Variants in ACSM2B observed in about 807,000 individuals in gnomAD.
The protein encoded by ACSM2B is acyl-coenzyme A synthetase ACSM2B, mitochondrial.
Under a neutral mutation model 78.6 loss-of-function variants are expected in ACSM2B, and 58 were observed. That is an observed-to-expected ratio of 0.74 (90% CI 0.60 to 0.92). ACSM2B has a LOEUF of 0.92. Among genes scored for constraint, ACSM2B ranks in the 40% least tolerant of loss-of-function variants. The probability of loss-of-function intolerance (pLI) is 0.00; values close to 1 mark genes in which losing one functional copy is unlikely to be tolerated. For synonymous variants in ACSM2B, 257 were observed against 256.8 expected, an observed-to-expected ratio of 1.00 and a Z score of -0.01; for missense variants, 688 against 711.2, an observed-to-expected ratio of 0.97 and a Z score of 0.37.
At chr16:20,575,229 T>A (rs935198172) in intron 1 of ACSM2B, among the ~76,000 whole-genome samples, 3 of 151,746 alleles carry the variant, frequency 2.0e-5, no homozygotes, top group African/African-American at 7.3e-5. Context: ...CCAAAATCTG[T>A]ATTAGTCAGG....
Position 20,566,688 on chromosome 16 carries a change from A to ATTTATAGATAACATAT in ACSM2B, c.-8-1836_-8-1835insATATGTTATCTATAAA, listed in dbSNP as rs2015872835. 4.4e-4 allele frequency among the ~76,000 whole-genome samples: 2 copies of ATTTATAGATAACATAT among 4,500 alleles called. 1 individual carries two copies. The highest frequency in any genetic ancestry group is 1.2e-3 in the African/African-American group (2 of 1,728). The allele number at this position is 4,500 out of a possible 152,430, so 3.0% of individuals were successfully genotyped here. On this transcript the variant is annotated intron_variant, in intron 1 of 13. Transcript: ENST00000329697. The stretch of plus-strand genomic sequence containing the variant: ...TATATAGTATATACATATAGTATAT[A>ATTTATAGATAACATAT]CTATATATAGTATATATATAGTATA...
At chr16:20,539,041 C>CGGTGA (rs2014920196) in intron 13 of ACSM2B, among the ~76,000 whole-genome samples, 3 of 152,030 alleles carry the variant, frequency 2.0e-5, no homozygotes, top group Admixed American at 6.6e-5. Context: ...CCACCTGTGA[C>CGGTGA]CGTAAAGACC....
intron 6 of ACSM2B, among the ~76,000 whole-genome samples, chr16:20,550,450 A>ATTT (rs1233432631): frequency 6.6e-6 from 1 of 152,050 alleles, no homozygotes; most frequent in African/African-American, 2.4e-5. Context: ...CCTCCAACCT[A>ATTT]TATTTTCCTA....
At chr16:20,557,505 C>G (rs1213585425) in intron 3 of ACSM2B, among the ~76,000 whole-genome samples, 1 of 152,184 alleles carries the variant, frequency 6.6e-6, no homozygotes, top group Non-Finnish European at 1.5e-5. Flanking sequence ...AGATTTCCAA[C>G]TCCACTATTG....
At chr16:20,550,698 G>T (rs2015287576) in intron 6 of ACSM2B, among the ~76,000 whole-genome samples, 2 of 152,036 alleles carry the variant, frequency 1.3e-5, no homozygotes, top group Non-Finnish European at 2.9e-5. Context: ...TGTCTGGATG[G>T]GCCATTAGAG....
chr16:20,546,313 C>A (rs1161318973), intron 9 of ACSM2B, 81 bp downstream of exon 9: 34 of 1,512,832 alleles, frequency 2.2e-5, no homozygotes, highest in Non-Finnish European at 3.0e-5. Context: ...TTATTTTTGA[C>A]TCAATAAACA....
chr16:20,575,557 G>A lies in ACSM2B; in HGVS notation c.-9+650C>T, dbSNP rs1371219208. ...CCAGTACGGAAGAAAGATCTAGGCTGGGAAGCTAGGCCAGTCTCTCTTTTC... is the reference window on the plus strand; with the variant it reads ...CCAGTACGGAAGAAAGATCTAGGCTAGGAAGCTAGGCCAGTCTCTCTTTTC... On this transcript the variant is annotated intron_variant, in intron 1 of 13. Coordinates refer to ENST00000329697, the MANE Select transcript of ACSM2B (RefSeq NM_001105069.2). The A allele has an allele frequency of 2.6e-5, 4 of 151,742 alleles. No homozygotes were observed. In the East Asian group the frequency reaches 5.9e-4, roughly 22 times the overall value. The allele number at this position is 151,742 out of a possible 1,614,324, so 9.4% of individuals were successfully genotyped here.
rs1567210168 is a variant in ACSM2B at position 20,552,171 on chromosome 16, T to C, written c.867A>G (p.Pro289=). ...TTAGAATAACCAGTGGGTCAAACTT[T>C]GGCAAGAGATGAACAAATGTGCATG... is the stretch of plus-strand genomic sequence containing the variant. ...LGACTFVHLL[P]KFDPLVILKT... is the part of the protein sequence containing the mutation. Residue 289 remains proline (P), a synonymous_variant, in exon 6 of 14, where the codon CCA becomes CCG. Coordinates refer to ENST00000329697, the MANE Select transcript of ACSM2B (RefSeq NM_001105069.2). 4 of 1,613,384 alleles carry C rather than the reference T, an allele frequency of 2.5e-6. No homozygotes were observed. In the South Asian group the frequency reaches 3.3e-5, roughly 13 times the overall value.
At chr16:20,562,347 T>A (rs1472877765) in intron 2 of ACSM2B, among the ~76,000 whole-genome samples, 3 of 152,108 alleles carry the variant, frequency 2.0e-5, no homozygotes, top group African/African-American at 7.2e-5. Flanking sequence ...AGTTTGAGAG[T>A]AATGATGCAA....
At chr16:20,537,428 C>T in intron 13 of ACSM2B, 66 bp from the exon 14 acceptor site, 2 of 1,576,022 alleles carry the variant, frequency 1.3e-6, no homozygotes, top group Non-Finnish European at 1.7e-6. Flanking sequence ...TTTTTCAGAA[C>T]TGCTGTAGGG....
In ACSM2B at chr16:20,546,432, C is replaced by T. The variant is rs752776275; in HGVS notation, c.1141G>A (p.Gly381Arg). 3.1e-6 allele frequency: 5 copies of T among 1,609,726 alleles called. No homozygotes were observed. Among genetic ancestry groups the T allele is most frequent in the Non-Finnish European group, 4.2e-6 (5 of 1,177,168 alleles). The change falls in exon 9 of 14, where the codon GGA becomes AGA. Residue 381 changes from glycine to arginine, a missense_variant. Gly to Arg is a moderately radical substitution (Grantham distance 125). Transcript: ENST00000329697. ...MVSKTMKIKP[G>R]YMGTAASCYD... ...CAGGAAGCAGCCGTTCCCATGTATC[C>T]TGGTTTGATTTTCATTGTCTTGGAA...
At chr16:20,546,638 T>A (rs374076471) in intron 8 of ACSM2B, 164 bp from the exon 9 acceptor site, 9 of 1,286,354 alleles carry the variant, frequency 7.0e-6, no homozygotes. Flanking sequence ...ATTACTGGAA[T>A]CACAATCCTA....
In ACSM2B at chr16:20,567,188, ATAT is replaced by A. The variant is rs1033014393; in HGVS notation, c.-8-2338_-8-2336del. Among the ~76,000 whole-genome samples the A allele has an allele frequency of 2.4e-3, 319 of 133,156 alleles. 2 individuals are homozygous for A. Among genetic ancestry groups the A allele is most frequent in the Middle Eastern group, 4.0e-3 (1 of 252 alleles). The allele number at this position is 133,156 out of a possible 152,430, so 87.4% of individuals were successfully genotyped here. ...ATATTATATATAATACTATTATAAC[ATAT>A]TATACTATTATATTATATATTATAC... On this transcript the variant is annotated intron_variant, in intron 1 of 13. Coordinates refer to ENST00000329697, the MANE Select transcript of ACSM2B (RefSeq NM_001105069.2).
intron 13 of ACSM2B, among the ~76,000 whole-genome samples, chr16:20,538,382 A>G (rs767938045): frequency 2.0e-5 from 3 of 152,202 alleles, no homozygotes; most frequent in South Asian, 2.1e-4. Flanking sequence ...GAAACTGTCA[A>G]CCTTTAGCAT....
chr16:20,566,742 T>TATATATACTATATATA (rs2015896219), intron 1 of ACSM2B, among the ~76,000 whole-genome samples: 1 of 67,510 alleles, frequency 1.5e-5, no homozygotes, highest in Non-Finnish European at 2.3e-5. Context: ...TAGTATATAC[T>TATATATACTATATATA]ATATATACTA....
chr16:20,559,962 T>A (rs2015602376), intron 2 of ACSM2B, among the ~76,000 whole-genome samples: 1 of 151,110 alleles, frequency 6.6e-6, no homozygotes, highest in Admixed American at 6.6e-5. Context: ...ACTTTAGATT[T>A]ATTTATATAT....
intron 1 of ACSM2B, among the ~76,000 whole-genome samples, chr16:20,566,247 TTATA>T (rs200052689): frequency 0.05 from 3,489 of 69,798 alleles, 87 homozygotes; most frequent in African/African-American, 0.085. Context: ...TCATGGAAGA[TTATA>T]TATATATATA....
chr16:20,554,204 T>C (rs975388933), intron 4 of ACSM2B: 2 of 560,668 alleles, frequency 3.6e-6, no homozygotes, highest in Non-Finnish European at 6.6e-6. Context: ...TCAAGTCTTA[T>C]AGAGTTATTG....
intron 1 of ACSM2B, among the ~76,000 whole-genome samples, chr16:20,569,445 T>C (rs898074402): frequency 6.6e-6 from 1 of 151,960 alleles, no homozygotes; most frequent in Non-Finnish European, 1.5e-5. Flanking sequence ...CCTATTTTTA[T>C]ACCAGACCAT....
Sources: allele counts gnomAD v4.1 joint callset (sites outside exome capture counted in the v4.1 genomes callset), GRCh38; gene constraint gnomAD v4.1.1; transcripts MANE v1.5; gene names NCBI Gene and HGNC (gene_info 2026-07-23, HGNC 2026-07-21).